The following HNRNPM variants were observed in gnomAD, a reference collection of about 807,000 sequenced individuals.
The protein encoded by HNRNPM is CEA receptor.
A neutral mutation model predicts 73.1 loss-of-function variants in HNRNPM; 11 were observed. That is an observed-to-expected ratio of 0.15 (90% confidence interval 0.09 to 0.25). The LOEUF (loss-of-function observed/expected upper bound fraction) is 0.25, where lower values mean the gene tolerates loss of function less well. HNRNPM is among the 10% of genes least tolerant of loss of function. The pLI is 1.00. For missense variants in HNRNPM, 789 were observed against 1,067.9 expected, an observed-to-expected ratio of 0.74 and a Z score of 3.64; for synonymous variants, 407 against 355.2, an observed-to-expected ratio of 1.15 and a Z score of -1.64.
chr19:8,483,261 C>T (rs370347355), intron 13 of HNRNPM, 50 bp downstream of exon 13: 166 of 1,403,616 alleles, frequency 1.2e-4, no homozygotes, highest in Non-Finnish European at 2.8e-5. Flanking sequence ...AGGCTGTTAT[C>T]GCTGGGGACT....
chr19:8,484,674 C>T (rs1237601072), intron 13 of HNRNPM, among the ~76,000 whole-genome samples: 1 of 152,226 alleles, frequency 6.6e-6, no homozygotes, highest in Non-Finnish European at 1.5e-5. Context: ...AGAAACTGCC[C>T]AGTTTCCTCT....
At position 8,462,351 on chromosome 19, in the gene HNRNPM, C is replaced by T; in HGVS notation, c.284-178C>T. ...AGGACATATTGTTAACGTGTTTTCA[C>T]CTACTTTTACTGCACACCTGTAATG... On this transcript the variant is annotated intron_variant, in intron 2 of 15. Transcript: ENST00000325495. This position sits in a 1 kb window ranked among gnomAD's most constrained non-coding sequence, Gnocchi z 4.5. The T allele has an allele frequency of 5.0e-6, 3 of 596,050 alleles. No homozygotes were observed. The highest frequency in any genetic ancestry group is 9.2e-6 in the Non-Finnish European group (3 of 326,574). The allele number at this position is 596,050 out of a possible 1,614,324, so 36.9% of individuals were successfully genotyped here.
intron 15 of HNRNPM, chr19:8,488,351 T>A: frequency 4.3e-6 from 1 of 232,854 alleles, no homozygotes; most frequent in African/African-American, 2.2e-5. Context: ...TGCGGATGGC[T>A]TTGTAACCAG....
chr19:8,458,836 T>C (rs937531705), intron 2 of HNRNPM, among the ~76,000 whole-genome samples: 2 of 152,220 alleles, frequency 1.3e-5, no homozygotes, highest in Admixed American at 1.3e-4. Context: ...TAATTTGCAT[T>C]GTGGGTCTAT....
intron 1 of HNRNPM, 103 bp downstream of exon 1, chr19:8,445,214 C>A: frequency 9.3e-7 from 1 of 1,069,520 alleles, no homozygotes; most frequent in Non-Finnish European, 1.2e-6. Context: ...CCGGCGCGGC[C>A]TCGGCCCCGG....
chr19:8,473,477 C>T (rs1970297026), intron 10 of HNRNPM, among the ~76,000 whole-genome samples, 187 bp from the exon 11 acceptor site: 1 of 151,488 alleles, frequency 6.6e-6, no homozygotes, highest in African/African-American at 2.4e-5. Flanking sequence ...AAAAAAATAG[C>T]TATATGATAT....
Position 8,445,082 on chromosome 19 carries a change from G to T in HNRNPM, c.84G>T (p.Pro28=). The change falls in exon 1 of 16, where the codon CCG becomes CCT. Residue 28 remains proline (P), a synonymous_variant. Coordinates refer to ENST00000325495, the MANE Select transcript of HNRNPM (RefSeq NM_005968.5). The part of the protein sequence containing the change: ...MEEESGAPGV[P]SGNGAPGPKG... The stretch of plus-strand genomic sequence containing the variant: ...AAGAGAGCGGCGCGCCCGGCGTGCC[G>T]AGCGGCAACGGGGCTCCGGGCCCTA... The T allele has an allele frequency of 7.0e-7, 1 of 1,421,216 alleles. No homozygotes were observed. The highest frequency in any genetic ancestry group is 9.2e-7 in the Non-Finnish European group (1 of 1,087,172). The allele number at this position is 1,421,216 out of a possible 1,614,324, so 88.0% of individuals were successfully genotyped here.
intron 12 of HNRNPM, among the ~76,000 whole-genome samples, chr19:8,477,288 G>C (rs935161576): frequency 6.6e-6 from 1 of 152,138 alleles, no homozygotes; most frequent in African/African-American, 2.4e-5. Context: ...CCAGCAGTAG[G>C]AATCACGAAA....
intron 4 of HNRNPM, 34 bp from the exon 5 acceptor site, chr19:8,463,559 G>T (rs755408680): frequency 1.2e-6 from 2 of 1,612,268 alleles, no homozygotes; most frequent in African/African-American, 2.7e-5. Flanking sequence ...TGTAGGACTG[G>T]TTTCACTCGA....
In HNRNPM at chr19:8,489,083, T is replaced by C. The variant is rs774636366; in HGVS notation, c.*229T>C. The C allele has an allele frequency of 2.2e-6, 1 of 454,528 alleles. No homozygotes were observed. Among genetic ancestry groups the C allele is most frequent in the Admixed American group, 3.6e-5 (1 of 27,620 alleles). 28.2% of individuals were successfully genotyped at this position (454,528 alleles called of 1,614,324 possible). ...TGTGGCATCTTGTTGACATCGAATATGACTTTGATAATAAATACCGGTTCC... is the reference window on the plus strand; with the variant it reads ...TGTGGCATCTTGTTGACATCGAATACGACTTTGATAATAAATACCGGTTCC... On this transcript the variant is annotated 3_prime_UTR_variant, in exon 16 of 16. Coordinates refer to ENST00000325495, the MANE Select transcript of HNRNPM (RefSeq NM_005968.5).
At position 8,467,163 on chromosome 19, in the gene HNRNPM, C is replaced by G. The variant is rs112008420; in HGVS notation, c.785-372C>G. ...CCCACAGGAGCACATTCATACAACT[C>G]AGACAAGACCGTCACTGCATGTCTT... On this transcript the variant is annotated intron_variant, in intron 7 of 15. Transcript: ENST00000325495. Among the ~76,000 whole-genome samples the G allele has an allele frequency of 9.9e-5, 15 of 152,270 alleles. No individual in the cohort carries two copies. In the South Asian group the frequency reaches 2.3e-3, roughly 23 times the overall value.
chr19:8,448,939 G>A (rs1455177618), intron 1 of HNRNPM, among the ~76,000 whole-genome samples: 1 of 152,076 alleles, frequency 6.6e-6, no homozygotes, highest in African/African-American at 2.4e-5. Context: ...TTAAACCCAG[G>A]TTCAGGAACC....
At chr19:8,445,824 C>T (rs760107217) in intron 1 of HNRNPM, among the ~76,000 whole-genome samples, 24 of 152,260 alleles carry the variant, frequency 1.6e-4, no homozygotes, top group Non-Finnish European at 3.2e-4. Flanking sequence ...TTAGCGTTCA[C>T]CCTCGGAAGC....
intron 12 of HNRNPM, among the ~76,000 whole-genome samples, chr19:8,475,905 CTTTTTTT>C (rs71175865): frequency 1.2e-4 from 14 of 114,380 alleles, no homozygotes; most frequent in African/African-American, 9.8e-5. Context: ...CCATCTCTCT[CTTTTTTT>C]TTTTTTTTTT....
At chr19:8,483,343 T>G in intron 13 of HNRNPM, 132 bp downstream of exon 13, 1 of 705,236 alleles carries the variant, frequency 1.4e-6, no homozygotes, top group Admixed American at 2.7e-5. Flanking sequence ...TGCCTTTTTC[T>G]AGCTGTGTGA....
At chr19:8,481,917 A>C (rs1163373263) in intron 12 of HNRNPM, among the ~76,000 whole-genome samples, 3 of 151,072 alleles carry the variant, frequency 2.0e-5, no homozygotes, top group Non-Finnish European at 4.4e-5. Flanking sequence ...GGGATATAAG[A>C]AGCAGCTGTG....
intron 13 of HNRNPM, among the ~76,000 whole-genome samples, 157 bp downstream of exon 13, chr19:8,483,368 C>T (rs539986872): frequency 6.6e-5 from 10 of 152,314 alleles, no homozygotes; most frequent in African/African-American, 2.2e-4. Flanking sequence ...TGGCAAGTCA[C>T]TGAACCTCTC....
intron 12 of HNRNPM, among the ~76,000 whole-genome samples, chr19:8,476,791 A>G (rs1475335816): frequency 6.6e-6 from 1 of 152,178 alleles, no homozygotes; most frequent in African/African-American, 2.4e-5. Context: ...CTTCTTGCAG[A>G]CAGGTGGCAG....
In HNRNPM at chr19:8,485,708, T is replaced by G. The variant is rs1971232181; in HGVS notation, c.1280T>G (p.Met427Arg). ...ERMGAGLGHG[M>R]DRVGSEIERM... ...ATGGGCGCGGGCCTGGGCCACGGCA[T>G]GGATCGCGTGGGCTCCGAGATCGAG... The change falls in exon 14 of 16, where the codon ATG (methionine) becomes AGG (arginine). Residue 427 changes from methionine to arginine, a missense_variant. By Grantham distance (91) the Met-to-Arg change is moderately conservative. Transcript: ENST00000325495. 6.2e-7 allele frequency: 1 copy of G among 1,606,710 alleles called. No individual in the cohort carries two copies. Among genetic ancestry groups the G allele is most frequent in the Non-Finnish European group, 8.5e-7 (1 of 1,179,564 alleles).
Sources: gnomAD v4.1 joint callset for allele counts (sites outside exome capture counted in the v4.1 genomes callset) on GRCh38, gnomAD v4.1.1 for gene constraint, Gnocchi (gnomAD v3.1) non-coding constraint, MANE v1.5 for transcripts, NCBI Gene and HGNC (gene_info 2026-07-23, HGNC 2026-07-21) for gene names.